The following ADAM12 variants were observed in gnomAD, a reference collection of about 807,000 sequenced individuals.
ADAM12 encodes the protein disintegrin and metalloproteinase domain-containing protein 12.
ADAM12 carries 70 observed loss-of-function variants against 106.4 expected under a neutral mutation model. That is an observed-to-expected ratio of 0.66 (90% CI 0.54 to 0.80). The LOEUF (loss-of-function observed/expected upper bound fraction) is 0.80, where lower values mean the gene tolerates loss of function less well. Among genes scored for constraint, ADAM12 ranks in the 30% least tolerant of loss-of-function variants. The pLI is 0.00. For missense variants in ADAM12, 1,010 were observed against 1,171.9 expected (o/e 0.86, Z 2.02); for synonymous variants, 420 against 433.5 (o/e 0.97, Z 0.39).
At position 126,049,231 on chromosome 10, in the gene ADAM12, C is replaced by T; in HGVS notation, c.1917+22G>A. On this transcript the variant is annotated intron_variant, in intron 16 of 22. Coordinates refer to ENST00000448723, the MANE Select transcript of ADAM12 (RefSeq NM_001288973.2). This position sits in a 1 kb window ranked among gnomAD's most constrained non-coding sequence, Gnocchi z 4.4. ...CTGTTCCAGACTTACATTTATGATC[C>T]AAGCAAACATTTGGGTCTTACTTTT... is the stretch of plus-strand genomic sequence containing the variant. 6.2e-7 allele frequency: 1 copy of T among 1,613,060 alleles called. No individual in the cohort carries two copies. Among genetic ancestry groups the T allele is most frequent in the Admixed American group, 1.7e-5 (1 of 60,026 alleles).
chr10:126,025,532 G>A (rs1412205485), intron 21 of ADAM12, among the ~76,000 whole-genome samples: 20 of 152,132 alleles, frequency 1.3e-4, no homozygotes, highest in East Asian at 3.9e-4. Flanking sequence ...GAGAAATACC[G>A]GATTATGTAG....
intron 11 of ADAM12, among the ~76,000 whole-genome samples, chr10:126,088,766 G>A (rs1292131719): frequency 6.6e-6 from 1 of 151,726 alleles, no homozygotes; most frequent in Non-Finnish European, 1.5e-5. Context: ...AGGCCACCTA[G>A]ACCTGGGGAC....
chr10:126,387,620 C>T (rs1426264971), intron 1 of ADAM12, among the ~76,000 whole-genome samples: 3 of 150,638 alleles, frequency 2.0e-5, no homozygotes, highest in East Asian at 1.9e-4. Flanking sequence ...AGTGTGTTAG[C>T]GGGGGAGGCG....
At chr10:126,263,767 T>C (rs755637296) in intron 3 of ADAM12, among the ~76,000 whole-genome samples, 2 of 152,210 alleles carry the variant, frequency 1.3e-5, no homozygotes, top group South Asian at 2.1e-4. Context: ...TTTCAGTTCC[T>C]ACATGTAAAA....
chr10:126,287,640 C>T (rs753909511), intron 2 of ADAM12, among the ~76,000 whole-genome samples: 14 of 151,890 alleles, frequency 9.2e-5, no homozygotes, highest in African/African-American at 3.1e-4. Context: ...TGCTTGTTCC[C>T]GAAGCTTCTG....
At chr10:126,020,338 A>T (rs1953740366) in intron 21 of ADAM12, among the ~76,000 whole-genome samples, 1 of 152,116 alleles carries the variant, frequency 6.6e-6, no homozygotes, top group African/African-American at 2.4e-5. Flanking sequence ...CGCGAAATAC[A>T]CTGAAGTTCT....
intron 22 of ADAM12, among the ~76,000 whole-genome samples, chr10:126,019,283 C>T (rs963079631): frequency 6.6e-6 from 1 of 152,060 alleles, no homozygotes; most frequent in African/African-American, 2.4e-5. Context: ...GCCAATTGAA[C>T]CTCTTTTCTT....
chr10:126,014,617 A>G lies in ADAM12; in HGVS notation c.*2662T>C, dbSNP rs1340119632. On this transcript the variant is annotated 3_prime_UTR_variant, in exon 23 of 23. Coordinates refer to ENST00000448723, the MANE Select transcript of ADAM12 (RefSeq NM_001288973.2). ...CCTCGGTTGCTACACATCTGATTAC[A>G]TGTGTCAGGAAAACAAACTTAAAAA... 6.6e-6 allele frequency: 1 copy of G among 152,072 alleles called. No homozygotes were observed. Among genetic ancestry groups the G allele is most frequent in the Admixed American group, 6.6e-5 (1 of 15,258 alleles). The allele number at this position is 152,072 out of a possible 1,614,324, so 9.4% of individuals were successfully genotyped here. A position where few individuals can be genotyped will look rare whatever the true frequency, so the allele number is the denominator to read the frequency against.
rs886874545 is a variant in ADAM12, at chr10:126,049,320, A to G, written c.1850T>C (p.Val617Ala). The G allele has an allele frequency of 6.2e-7, 1 of 1,614,206 alleles. No individual in the cohort carries two copies. The highest frequency in any genetic ancestry group is 8.5e-7 in the Non-Finnish European group (1 of 1,180,048). Residue 617 changes from valine to alanine, a missense_variant, in exon 16 of 23, where the codon GTG becomes GCG. Val to Ala is a moderately conservative substitution (Grantham distance 64, BLOSUM62 0). Transcript: ENST00000448723. This position sits in a 1 kb window ranked among gnomAD's most constrained non-coding sequence, Gnocchi z 4.4. ...GTCCGGCATGTCATCGCCCAAGTAC[A>G]CGTGGGTCCCCCGGCACAGAATCCG... ...GGRILCRGTH[V>A]YLGDDMPDPG...
At chr10:126,164,487 G>T (rs1032072517) in intron 3 of ADAM12, among the ~76,000 whole-genome samples, 1 of 152,158 alleles carries the variant, frequency 6.6e-6, no homozygotes, top group African/African-American at 2.4e-5. Flanking sequence ...TTGGGTAATG[G>T]ATTTCTTTTA....
intron 2 of ADAM12, among the ~76,000 whole-genome samples, chr10:126,291,582 G>A (rs1960149830): frequency 6.6e-6 from 1 of 152,148 alleles, no homozygotes; most frequent in South Asian, 2.1e-4. Context: ...TCTTCCCTTT[G>A]CTTGCCTGCC....
chr10:126,348,739 G>A, intron 1 of ADAM12, among the ~76,000 whole-genome samples: 1 of 152,154 alleles, frequency 6.6e-6, no homozygotes, highest in Non-Finnish European at 1.5e-5. Context: ...CACTGTTTAT[G>A]AGAGCGAACC....
chr10:126,264,490 T>C (rs1013742830), intron 3 of ADAM12, among the ~76,000 whole-genome samples: 1 of 152,226 alleles, frequency 6.6e-6, no homozygotes, highest in African/African-American at 2.4e-5. Context: ...AAAGAAAGCC[T>C]TGTTCTCCAC....
chr10:126,307,123 A>T (rs1265709238), intron 2 of ADAM12, among the ~76,000 whole-genome samples: 3 of 152,176 alleles, frequency 2.0e-5, no homozygotes, highest in African/African-American at 7.2e-5. Flanking sequence ...TTCTGTTTCC[A>T]TTCCAATGAG....
chr10:126,188,588 T>C (rs911615418), intron 3 of ADAM12, among the ~76,000 whole-genome samples: 1 of 152,182 alleles, frequency 6.6e-6, no homozygotes, highest in African/African-American at 2.4e-5. Flanking sequence ...AGCATTCTTA[T>C]TTCCTAATTT....
At chr10:126,153,943 C>A (rs1413543452) in intron 4 of ADAM12, among the ~76,000 whole-genome samples, 1 of 152,216 alleles carries the variant, frequency 6.6e-6, no homozygotes, top group Non-Finnish European at 1.5e-5. Flanking sequence ...TCAATGTCTT[C>A]ATTTTTTATG....
Position 126,038,283 on chromosome 10 carries a change from T to C in ADAM12, c.2307A>G (p.Gly769=), listed in dbSNP as rs747747699. 6.2e-7 allele frequency: 1 copy of C among 1,612,282 alleles called. No homozygotes were observed. The highest frequency in any genetic ancestry group is 1.1e-5 in the South Asian group (1 of 90,404). Residue 769 remains glycine, a synonymous_variant, in exon 20 of 23, where the codon GGA becomes GGG. Coordinates refer to ENST00000448723, the MANE Select transcript of ADAM12 (RefSeq NM_001288973.2). ...QPCQAHLGHL[G]KGLMRKPPDS... is the part of the protein sequence containing the mutation. ...CTGGCGGCTTCCTCATCAGGCCTTT[T>C]CCAAGGTGGCCGAGGTGAGCCTGAC...
intron 2 of ADAM12, among the ~76,000 whole-genome samples, chr10:126,305,634 G>C (rs1960812232): frequency 6.6e-6 from 1 of 151,868 alleles, no homozygotes; most frequent in East Asian, 1.9e-4. Context: ...TCTTTTTATT[G>C]TTTTACTTCA....
intron 2 of ADAM12, among the ~76,000 whole-genome samples, chr10:126,302,907 C>T (rs550808730): frequency 7.2e-5 from 11 of 152,080 alleles, no homozygotes; most frequent in South Asian, 6.2e-4. Flanking sequence ...ATGGCAGTGA[C>T]GCCAGAAAAG....
Sources: allele counts gnomAD v4.1 joint callset (sites outside exome capture counted in the v4.1 genomes callset), GRCh38; gene constraint gnomAD v4.1.1; non-coding constraint Gnocchi (gnomAD v3.1); transcripts MANE v1.5; gene names NCBI Gene and HGNC (gene_info 2026-07-23, HGNC 2026-07-21).